NWD2: variants seen among roughly 807,000 people sequenced by gnomAD.
NWD2 encodes NACHT and WD repeat domain containing 2.
Under a neutral mutation model 132.7 loss-of-function variants are expected in NWD2, and 37 were observed. The observed-to-expected ratio is 0.28, with a 90% CI of 0.21 to 0.37. NWD2 has a LOEUF of 0.37. Ranked by LOEUF, NWD2 falls within the 10% of genes least tolerant of loss-of-function variation. The pLI is 1.00. For missense variants in NWD2, 1,592 were observed against 2,122.4 expected, an observed-to-expected ratio of 0.75 and a Z score of 4.91; for synonymous variants, 705 against 803.0, an observed-to-expected ratio of 0.88 and a Z score of 2.06.
chr4:37,381,357 A>G (rs1187566911), intron 3 of NWD2, among the ~76,000 whole-genome samples: 1 of 152,210 alleles, frequency 6.6e-6, no homozygotes, highest in Non-Finnish European at 1.5e-5. Context: ...CCAAATAGAA[A>G]CACCTGGAGT....
chr4:37,355,594 C>T (rs529568696), intron 2 of NWD2, among the ~76,000 whole-genome samples: 45 of 152,304 alleles, frequency 3.0e-4, no homozygotes, highest in African/African-American at 1.1e-3. Context: ...AAAGCTACAA[C>T]TGGGAACATT....
In NWD2 at chr4:37,405,778, A is replaced by T. The variant is rs534843094; in HGVS notation, c.358-24794A>T. Among the ~76,000 whole-genome samples, 137 of 152,336 alleles carry T rather than the reference A, an allele frequency of 9.0e-4. 1 individual carries two copies. The highest frequency in any genetic ancestry group is 2.9e-3 in the African/African-American group (119 of 41,562). ...CACCCAGAGTGCTCTGACATAGGTTATCTTGGAACATTTTAACATCTTTGC... is the reference window on the plus strand; with the variant it reads ...CACCCAGAGTGCTCTGACATAGGTTTTCTTGGAACATTTTAACATCTTTGC... On this transcript the variant is annotated intron_variant, in intron 3 of 6. Transcript: ENST00000309447.
At chr4:37,393,633 A>G (rs1443191624) in intron 3 of NWD2, among the ~76,000 whole-genome samples, 1 of 152,200 alleles carries the variant, frequency 6.6e-6, no homozygotes, top group African/African-American at 2.4e-5. Context: ...TTCCAAATAC[A>G]TTGAAAAGCT....
At chr4:37,335,597 CAGTGAGGCAGCATTACCGCCT>C (rs1719391347) in intron 2 of NWD2, among the ~76,000 whole-genome samples, 1 of 151,974 alleles carries the variant, frequency 6.6e-6, no homozygotes, top group Non-Finnish European at 1.5e-5. Flanking sequence ...AGGAGGTGAG[CAGTGAGGCAGCATTACCGCCT>C]GAGCTCCTTC....
intron 2 of NWD2, among the ~76,000 whole-genome samples, chr4:37,351,037 A>G (rs1396808012): frequency 6.6e-6 from 1 of 151,972 alleles, no homozygotes; most frequent in Non-Finnish European, 1.5e-5. Flanking sequence ...AGCTGACTTG[A>G]TCTTGGTGGA....
rs1252327457 is a variant in NWD2, at chr4:37,352,020, T to C, written c.241-4346T>C. ...AGTTTCATAATCCTGAGTTCTAATT[T>C]GATTGCACTGTGGTCTGAGAGACTA... On this transcript the variant is annotated intron_variant, in intron 2 of 6. Transcript: ENST00000309447. 2.6e-5 allele frequency among the ~76,000 whole-genome samples: 4 copies of C among 152,332 alleles called. No individual in the cohort carries two copies. The South Asian group carries it at 6.2e-4, about 24-fold the overall frequency.
At position 37,415,364 on chromosome 4, in the gene NWD2, C is replaced by A. The variant is rs78002882; in HGVS notation, c.358-15208C>A. On this transcript the variant is annotated intron_variant, in intron 3 of 6. Coordinates refer to ENST00000309447, the MANE Select transcript of NWD2 (RefSeq NM_001144990.2). ...AGAATTCGTTCATATTCCCCCTTCT[C>A]ATGTGGAGAAGCTGGTGATGCCAAG... Among the ~76,000 whole-genome samples the A allele has an allele frequency of 4.4e-3, 667 of 152,250 alleles. 4 individuals are homozygous for A. The highest frequency in any genetic ancestry group is 0.015 in the African/African-American group (629 of 41,540).
At chr4:37,432,421 T>A (rs1245645136) in intron 4 of NWD2, among the ~76,000 whole-genome samples, 1 of 151,292 alleles carries the variant, frequency 6.6e-6, no homozygotes, top group African/African-American at 2.4e-5. Flanking sequence ...CATAATCATA[T>A]CATCATCATA....
intron 2 of NWD2, among the ~76,000 whole-genome samples, chr4:37,355,540 G>C (rs911496867): frequency 1.3e-5 from 2 of 152,096 alleles, no homozygotes; most frequent in Non-Finnish European, 2.9e-5. Flanking sequence ...GGAGGGTCTT[G>C]TTTCCACTTG....
intron 2 of NWD2, among the ~76,000 whole-genome samples, chr4:37,341,657 A>G (rs1679134815): frequency 6.6e-6 from 1 of 152,208 alleles, no homozygotes; most frequent in South Asian, 2.1e-4. Flanking sequence ...AAATAGCATT[A>G]AGAGCCCAGG....
At chr4:37,321,830 A>G (rs1258384766) in intron 1 of NWD2, among the ~76,000 whole-genome samples, 1 of 152,204 alleles carries the variant, frequency 6.6e-6, no homozygotes, top group Non-Finnish European at 1.5e-5. Flanking sequence ...TTTAATATAA[A>G]TAAGAGCACA....
At chr4:37,330,778 T>C (rs1319473760) in intron 2 of NWD2, among the ~76,000 whole-genome samples, 1 of 152,016 alleles carries the variant, frequency 6.6e-6, no homozygotes, top group Non-Finnish European at 1.5e-5. Context: ...TCACCCTACT[T>C]GAGTATTTCT....
chr4:37,351,771 G>A (rs188823224), intron 2 of NWD2, among the ~76,000 whole-genome samples: 34 of 151,960 alleles, frequency 2.2e-4, no homozygotes, highest in African/African-American at 8.2e-4. Flanking sequence ...GTGATGTTAG[G>A]GTGTCGATTT....
intron 1 of NWD2, among the ~76,000 whole-genome samples, chr4:37,269,611 A>G (rs905428001): frequency 1.3e-5 from 2 of 151,856 alleles, no homozygotes; most frequent in East Asian, 3.9e-4. Flanking sequence ...TACCTTTTAC[A>G]TTGGGTCCTG....
intron 2 of NWD2, among the ~76,000 whole-genome samples, chr4:37,348,462 T>C (rs1416432326): frequency 1.3e-5 from 2 of 151,530 alleles, no homozygotes. Context: ...CCTACCACCC[T>C]TGGGGACTGA....
chr4:37,323,060 G>A (rs1016819564), intron 1 of NWD2, among the ~76,000 whole-genome samples: 7 of 152,102 alleles, frequency 4.6e-5, no homozygotes, highest in Admixed American at 6.6e-5. Context: ...GCTCTTGAGC[G>A]AGTTTTCTAA....
At chr4:37,289,538 A>C (rs913250413) in intron 1 of NWD2, among the ~76,000 whole-genome samples, 1 of 152,178 alleles carries the variant, frequency 6.6e-6, no homozygotes, top group South Asian at 2.1e-4. Context: ...TATTTTTATT[A>C]TATGTATTTC....
rs1289425372 is a variant in NWD2, at chr4:37,313,636, C to G, written c.152-12300C>G. Among the ~76,000 whole-genome samples the G allele has an allele frequency of 2.7e-5, 4 of 150,906 alleles. No individual in the cohort carries two copies. In the East Asian group the frequency reaches 5.8e-4, roughly 22 times the overall value. ...TTAGCTGTAGGGATTTTTGAAGATG[C>G]TATTTATCAAGTTGAGGAAGTTCGT... is the stretch of plus-strand genomic sequence containing the variant. On this transcript the variant is annotated intron_variant, in intron 1 of 6. Transcript: ENST00000309447.
At chr4:37,317,952 G>T (rs538815381) in intron 1 of NWD2, among the ~76,000 whole-genome samples, 1 of 150,830 alleles carries the variant, frequency 6.6e-6, no homozygotes, top group African/African-American at 2.4e-5. Context: ...CAAACTATTC[G>T]CTCATTCATT....
Sources: gnomAD v4.1 joint callset for allele counts (sites outside exome capture counted in the v4.1 genomes callset) on GRCh38, gnomAD v4.1.1 for gene constraint, MANE v1.5 for transcripts, NCBI Gene and HGNC (gene_info 2026-07-23, HGNC 2026-07-21) for gene names.